EEIG2: variants seen among roughly 807,000 people sequenced by gnomAD.
EEIG2 encodes family with sequence similarity 102 member B.
chr1:108,593,951 G>C, the EEIG2 span, among the ~76,000 whole-genome samples: 2 of 151,970 alleles, frequency 1.3e-5, no homozygotes, highest in Non-Finnish European at 2.9e-5. Context: ...GACCACAGGC[G>C]TACACCACCA....
the EEIG2 span, among the ~76,000 whole-genome samples, chr1:108,579,770 T>TGAGAGAGAGAGAGAGAGAGAGA: frequency 0.039 from 889 of 22,842 alleles, 5 homozygotes; most frequent in Non-Finnish European, 0.065. Flanking sequence ...TGTGTGTGTG[T>TGAGAGAGAGAGAGAGAGAGAGA]GTGAGAGAGA....
the EEIG2 span, among the ~76,000 whole-genome samples, chr1:108,582,137 T>G: frequency 1.3e-5 from 2 of 152,204 alleles, no homozygotes; most frequent in Non-Finnish European, 2.9e-5. Flanking sequence ...TATTTTTAAA[T>G]TAAGGTATAT....
chr1:108,579,714 A>G, the EEIG2 span, among the ~76,000 whole-genome samples: 1 of 143,194 alleles, frequency 7.0e-6, no homozygotes, highest in African/African-American at 2.6e-5. Flanking sequence ...CAAGTCTGTC[A>G]GTGCTGTTTT....
At chr1:108,571,875 A>G in the EEIG2 span, among the ~76,000 whole-genome samples, 4 of 152,098 alleles carry the variant, frequency 2.6e-5, no homozygotes, top group Admixed American at 6.6e-5. Context: ...CAGAGGATGA[A>G]CTATTCTTCC....
the EEIG2 span, among the ~76,000 whole-genome samples, chr1:108,593,736 C>T: frequency 1.3e-5 from 2 of 152,102 alleles, no homozygotes; most frequent in Non-Finnish European, 2.9e-5. Context: ...GGTGGGTTCA[C>T]CAGTTAACAT....
the EEIG2 span, among the ~76,000 whole-genome samples, chr1:108,601,287 C>T: frequency 1.3e-5 from 2 of 150,186 alleles, no homozygotes; most frequent in Non-Finnish European, 3.0e-5. Context: ...TGTGTTTGTG[C>T]GTGTGTGTGT....
At chr1:108,620,516 AGT>A in the EEIG2 span, among the ~76,000 whole-genome samples, 1 of 152,316 alleles carries the variant, frequency 6.6e-6, no homozygotes, top group South Asian at 2.1e-4. Flanking sequence ...TGAGAGAGAA[AGT>A]GTATACTCTG....
the EEIG2 span, among the ~76,000 whole-genome samples, chr1:108,594,067 G>A: frequency 6.6e-5 from 10 of 152,118 alleles, no homozygotes; most frequent in East Asian, 3.9e-4. Context: ...CTTGGTCTCC[G>A]AAAGTGCTGG....
chr1:108,586,317 GTGT>G, the EEIG2 span, among the ~76,000 whole-genome samples: 2 of 852 alleles, frequency 2.3e-3, no homozygotes, highest in Non-Finnish European at 8.5e-3. Context: ...GCAGAGGGGT[GTGT>G]GTGTGTGTGT....
At chr1:108,562,908 A>G in the EEIG2 span, among the ~76,000 whole-genome samples, 1 of 152,218 alleles carries the variant, frequency 6.6e-6, no homozygotes, top group African/African-American at 2.4e-5. Context: ...AAATCACAGA[A>G]CTTTTAATTA....
chr1:108,615,146 C>G, the EEIG2 span, among the ~76,000 whole-genome samples: 1 of 152,188 alleles, frequency 6.6e-6, no homozygotes, highest in Admixed American at 6.6e-5. Context: ...TTCATTAAGA[C>G]TATGAATTTT....
chr1:108,579,585 C>T, the EEIG2 span, among the ~76,000 whole-genome samples: 1,448 of 149,666 alleles, frequency 9.7e-3, 23 homozygotes, highest in African/African-American at 0.034. Context: ...CTGCACCAAG[C>T]GGACCTAATA....
the EEIG2 span, among the ~76,000 whole-genome samples, chr1:108,619,432 A>C: frequency 6.6e-6 from 1 of 152,248 alleles, no homozygotes; most frequent in Non-Finnish European, 1.5e-5. Context: ...GAATAGAAAA[A>C]CATTTTAACT....
At chr1:108,570,728 G>T in the EEIG2 span, among the ~76,000 whole-genome samples, 1 of 152,186 alleles carries the variant, frequency 6.6e-6, no homozygotes. Flanking sequence ...AAGTTTATGG[G>T]TATGTGGAAA....
chr1:108,605,092 A>G, the EEIG2 span, among the ~76,000 whole-genome samples: 2 of 152,208 alleles, frequency 1.3e-5, no homozygotes, highest in South Asian at 4.1e-4. Context: ...CAGAGGGAAA[A>G]TAAGGATGAA....
chr1:108,601,966 T>C, the EEIG2 span, among the ~76,000 whole-genome samples: 2 of 151,864 alleles, frequency 1.3e-5, no homozygotes, highest in African/African-American at 4.8e-5. Flanking sequence ...CTGGATGGAG[T>C]TGGGGGAGGT....
At chr1:108,575,328 T>C in the EEIG2 span, among the ~76,000 whole-genome samples, 1 of 152,122 alleles carries the variant, frequency 6.6e-6, no homozygotes, top group Non-Finnish European at 1.5e-5. Flanking sequence ...TTCTAAGGAG[T>C]CTTCCCGAAT....
At chr1:108,605,694 A>T in the EEIG2 span, among the ~76,000 whole-genome samples, 1 of 152,202 alleles carries the variant, frequency 6.6e-6, no homozygotes, top group Non-Finnish European at 1.5e-5. Context: ...TTAAGTTAAA[A>T]AAAGACATCA....
chr1:108,581,170 A>T, the EEIG2 span, among the ~76,000 whole-genome samples: 1 of 152,170 alleles, frequency 6.6e-6, no homozygotes, highest in Admixed American at 6.5e-5. Context: ...TATTTACAGC[A>T]TAGTTTACTG....
Sources: allele counts gnomAD v4.1 joint callset (sites outside exome capture counted in the v4.1 genomes callset), GRCh38; gene constraint gnomAD v4.1.1; transcripts MANE v1.5; gene names NCBI Gene and HGNC (gene_info 2026-07-23, HGNC 2026-07-21).